Variants in NRXN3 observed in about 807,000 individuals in gnomAD.
NRXN3 encodes neurexin III.
NRXN3 carries 32 observed loss-of-function variants against 137.6 expected under a neutral mutation model. The ratio of observed to expected loss-of-function variants is 0.23; its 90% CI spans 0.18 to 0.31. The LOEUF (loss-of-function observed/expected upper bound fraction) is 0.31. Among genes scored for constraint, NRXN3 ranks in the 10% least tolerant of loss-of-function variants. The probability of loss-of-function intolerance (pLI) is 1.00; values close to 1 mark genes in which losing one functional copy is unlikely to be tolerated. For missense variants in NRXN3, 1,574 were observed against 2,062.5 expected, an observed-to-expected ratio of 0.76 and a Z score of 4.59; for synonymous variants, 798 against 784.5, an observed-to-expected ratio of 1.02 and a Z score of -0.29.
chr14:79,507,143 G>A (rs75064860), intron 16 of NRXN3, among the ~76,000 whole-genome samples: 33 of 152,206 alleles, frequency 2.2e-4, no homozygotes, highest in South Asian at 6.2e-4. Context: ...AAGGATAATC[G>A]TTCCTATAGT....
chr14:78,557,093 C>A (rs1422072780), intron 4 of NRXN3, among the ~76,000 whole-genome samples: 1 of 149,852 alleles, frequency 6.7e-6, no homozygotes, highest in African/African-American at 2.5e-5. Flanking sequence ...CTCTGCCACC[C>A]AGGCTGCAGT....
At chr14:79,177,541 CAAAT>C (rs1370127198) in intron 15 of NRXN3, among the ~76,000 whole-genome samples, 1 of 152,094 alleles carries the variant, frequency 6.6e-6, no homozygotes, top group Non-Finnish European at 1.5e-5. Context: ...AATGTGGAAA[CAAAT>C]AACTTCTAAA....
intron 8 of NRXN3, among the ~76,000 whole-genome samples, chr14:78,728,391 T>A (rs2098497282): frequency 6.6e-6 from 1 of 152,184 alleles, no homozygotes; most frequent in Non-Finnish European, 1.5e-5. Flanking sequence ...GGTCTAAATA[T>A]GCAGATTCCT....
At chr14:79,538,819 T>C (rs1352567979) in intron 16 of NRXN3, among the ~76,000 whole-genome samples, 1 of 152,158 alleles carries the variant, frequency 6.6e-6, no homozygotes, top group African/African-American at 2.4e-5. Flanking sequence ...TGAAGGACAG[T>C]GTTAGGATGA....
chr14:79,717,186 G>A (rs2098826646), intron 19 of NRXN3, among the ~76,000 whole-genome samples: 1 of 152,152 alleles, frequency 6.6e-6, no homozygotes, highest in South Asian at 2.1e-4. Flanking sequence ...CATTTGAACT[G>A]GCAAGGGGCA....
At chr14:78,671,275 A>C (rs1345142888) in intron 6 of NRXN3, among the ~76,000 whole-genome samples, 1 of 152,194 alleles carries the variant, frequency 6.6e-6, no homozygotes, top group African/African-American at 2.4e-5. Context: ...GTAGGTAATC[A>C]TTTTGTTTTG....
intron 19 of NRXN3, among the ~76,000 whole-genome samples, chr14:79,757,805 T>G (rs1033483211): frequency 9.2e-5 from 14 of 152,174 alleles, no homozygotes; most frequent in African/African-American, 3.4e-4. Flanking sequence ...CACTCTCAAC[T>G]TTTTAGATAC....
At chr14:79,713,956 G>A (rs2098814982) in intron 19 of NRXN3, among the ~76,000 whole-genome samples, 1 of 151,992 alleles carries the variant, frequency 6.6e-6, no homozygotes, top group South Asian at 2.1e-4. Flanking sequence ...CAATATGTTT[G>A]CATGTCACTG....
At chr14:79,754,525 T>TGCACAC (rs2099011446) in intron 19 of NRXN3, among the ~76,000 whole-genome samples, 1 of 55,738 alleles carries the variant, frequency 1.8e-5, no homozygotes, top group Non-Finnish European at 3.2e-5. Flanking sequence ...TATATATATA[T>TGCACAC]ATATATATAT....
intron 20 of NRXN3, among the ~76,000 whole-genome samples, chr14:79,822,192 A>C (rs892615767): frequency 6.6e-5 from 10 of 152,188 alleles, no homozygotes; most frequent in African/African-American, 2.2e-4. Context: ...ATGTGTTCTC[A>C]GTCATGTTAT....
intron 15 of NRXN3, among the ~76,000 whole-genome samples, chr14:79,381,882 A>G (rs530453474): frequency 6.6e-6 from 1 of 152,284 alleles, no homozygotes; most frequent in South Asian, 2.1e-4. Flanking sequence ...TCACTTCCAT[A>G]TATAATACAA....
At chr14:79,845,322 C>A (rs2099364810) in intron 20 of NRXN3, among the ~76,000 whole-genome samples, 1 of 152,256 alleles carries the variant, frequency 6.6e-6, no homozygotes, top group Non-Finnish European at 1.5e-5. Context: ...TTTGCATTCA[C>A]AACTCAGCCA....
intron 16 of NRXN3, among the ~76,000 whole-genome samples, chr14:79,521,792 A>G (rs567455778): frequency 1.3e-5 from 2 of 152,278 alleles, no homozygotes; most frequent in East Asian, 3.9e-4. Flanking sequence ...TTTAAAAACT[A>G]TACTCTGTGC....
intron 15 of NRXN3, among the ~76,000 whole-genome samples, chr14:79,191,397 T>C (rs1005058672): frequency 6.6e-6 from 1 of 152,168 alleles, no homozygotes; most frequent in African/African-American, 2.4e-5. Context: ...GGCATCCTTT[T>C]GAAGGTGATG....
intron 15 of NRXN3, among the ~76,000 whole-genome samples, chr14:79,458,727 T>C (rs900970832): frequency 3.9e-5 from 6 of 152,192 alleles, no homozygotes; most frequent in African/African-American, 1.4e-4. Context: ...GAAACTAGCA[T>C]GGTTATGAAA....
chr14:79,462,534 A>T (rs2096360477), intron 15 of NRXN3, among the ~76,000 whole-genome samples: 1 of 150,500 alleles, frequency 6.6e-6, no homozygotes, highest in African/African-American at 2.4e-5. Flanking sequence ...TATATATAAA[A>T]AAATACATGA....
chr14:78,947,348 G>T (rs1167947326), intron 10 of NRXN3, among the ~76,000 whole-genome samples: 3 of 152,152 alleles, frequency 2.0e-5, no homozygotes, highest in Non-Finnish European at 4.4e-5. Context: ...CAAACACCAT[G>T]GAGGTTGATC....
At chr14:78,193,781 A>G (rs991096681) in intron 1 of NRXN3, among the ~76,000 whole-genome samples, 1 of 145,642 alleles carries the variant, frequency 6.9e-6, no homozygotes, top group Admixed American at 6.8e-5. Flanking sequence ...AAAAAAAAAA[A>G]GTTATGTCTG....
intron 4 of NRXN3, among the ~76,000 whole-genome samples, chr14:78,408,004 A>G (rs2092598339): frequency 6.6e-6 from 1 of 152,238 alleles, no homozygotes; most frequent in Admixed American, 6.5e-5. Context: ...TCTTCTACTT[A>G]TATGGGATAG....
Sources: allele counts gnomAD v4.1 joint callset (sites outside exome capture counted in the v4.1 genomes callset), GRCh38; gene constraint gnomAD v4.1.1; transcripts MANE v1.5; gene names NCBI Gene and HGNC (gene_info 2026-07-23, HGNC 2026-07-21).